GTF2F2: variants seen among roughly 807,000 people sequenced by gnomAD.
GTF2F2 encodes ATP-dependent helicase GTF2F2.
Under a neutral mutation model 42.2 loss-of-function variants are expected in GTF2F2, and 23 were observed. The ratio of observed to expected loss-of-function variants is 0.55; its 90% CI spans 0.39 to 0.77. The LOEUF (loss-of-function observed/expected upper bound fraction) is 0.77, where lower values mean the gene tolerates loss of function less well. GTF2F2 is among the 30% of genes least tolerant of loss of function. The pLI is 0.00. For synonymous variants in GTF2F2, 105 were observed against 100.8 expected (o/e 1.04, Z -0.25); for missense variants, 261 against 287.2 (o/e 0.91, Z 0.66).
intron 4 of GTF2F2, among the ~76,000 whole-genome samples, chr13:45,183,451 G>A (rs915431210): frequency 6.6e-6 from 1 of 152,086 alleles, no homozygotes; most frequent in Admixed American, 6.5e-5. Flanking sequence ...TACCTCTCAG[G>A]CATCAAAAGG....
chr13:45,122,152 G>A (rs556503033), intron 1 of GTF2F2, among the ~76,000 whole-genome samples: 1 of 151,626 alleles, frequency 6.6e-6, no homozygotes, highest in South Asian at 2.1e-4. Flanking sequence ...TGAAGATGGG[G>A]ACCATATACT....
At chr13:45,263,827 A>G (rs997126743) in intron 6 of GTF2F2, 3 of 168,560 alleles carry the variant, frequency 1.8e-5, no homozygotes, top group Admixed American at 5.8e-5. Flanking sequence ...GAAGCAAGAA[A>G]TAAGGCATAT....
intron 4 of GTF2F2, among the ~76,000 whole-genome samples, chr13:45,189,238 C>T (rs1294052407): frequency 1.3e-5 from 2 of 151,888 alleles, no homozygotes; most frequent in East Asian, 3.9e-4. Flanking sequence ...CAACTTACCC[C>T]TTTTTTTTGG....
At chr13:45,158,036 G>GT (rs1279479594) in intron 4 of GTF2F2, among the ~76,000 whole-genome samples, 1 of 151,852 alleles carries the variant, frequency 6.6e-6, no homozygotes, top group East Asian at 1.9e-4. Flanking sequence ...CTTATTTCTC[G>GT]TATTTGGTCA....
intron 5 of GTF2F2, among the ~76,000 whole-genome samples, chr13:45,227,939 T>C (rs1293160403): frequency 2.6e-5 from 4 of 152,178 alleles, no homozygotes; most frequent in Non-Finnish European, 5.9e-5. Flanking sequence ...GACTGAAGGC[T>C]AGAAAACAAG....
intron 6 of GTF2F2, among the ~76,000 whole-genome samples, chr13:45,255,166 C>CAAAAAAAAAAAA (rs55795620): frequency 1.3e-5 from 1 of 76,106 alleles, no homozygotes; most frequent in Non-Finnish European, 2.7e-5. Context: ...GACTTTGTCT[C>CAAAAAAAAAAAA]AAAAAAAAAA....
intron 4 of GTF2F2, among the ~76,000 whole-genome samples, chr13:45,205,433 G>T (rs1215797063): frequency 6.6e-6 from 1 of 152,244 alleles, no homozygotes; most frequent in Non-Finnish European, 1.5e-5. Context: ...CACAGAGCCA[G>T]ACCATATCAG....
intron 6 of GTF2F2, among the ~76,000 whole-genome samples, chr13:45,259,210 T>C (rs1876229653): frequency 6.6e-6 from 1 of 152,142 alleles, no homozygotes; most frequent in Non-Finnish European, 1.5e-5. Flanking sequence ...GTGGATTACC[T>C]GAGGTCAGAA....
chr13:45,238,680 C>T (rs1244636956), intron 5 of GTF2F2, among the ~76,000 whole-genome samples: 1 of 151,876 alleles, frequency 6.6e-6, no homozygotes, highest in Non-Finnish European at 1.5e-5. Flanking sequence ...TGCAGTGGCT[C>T]ACGCCTGTAA....
At chr13:45,173,488 C>T in intron 4 of GTF2F2, among the ~76,000 whole-genome samples, 1 of 151,878 alleles carries the variant, frequency 6.6e-6, no homozygotes. Context: ...CACAAGAATC[C>T]CTCAGGTTAC....
In GTF2F2 at chr13:45,120,790, C is replaced by T. The variant is rs185419733; in HGVS notation, c.66+69C>T. 5.9e-3 allele frequency: 6,806 copies of T among 1,158,152 alleles called. 36 individuals carry two copies. Among genetic ancestry groups the T allele is most frequent in the Non-Finnish European group, 7.6e-3 (6,035 of 791,712 alleles). 71.7% of individuals were successfully genotyped at this position (1,158,152 alleles called of 1,614,324 possible). A position where few individuals can be genotyped will look rare whatever the true frequency, so the allele number is the denominator to read the frequency against. On this transcript the variant is annotated intron_variant, in intron 1 of 7. Transcript: ENST00000340473. ...TATAGTTTAAGTAACTTGAGCCTAT[C>T]CCGCTCCGTGCGCCTCTTAAAGTTC...
At position 45,283,562 on chromosome 13, in the gene GTF2F2, GA is replaced by G. The variant is rs746865010; in HGVS notation, c.*3del. 6.2e-7 allele frequency: 1 copy of G among 1,607,402 alleles called. No individual in the cohort carries two copies. The highest frequency in any genetic ancestry group is 1.3e-5 in the African/African-American group (1 of 74,700). On this transcript the variant is annotated 3_prime_UTR_variant, in exon 8 of 8. Coordinates refer to ENST00000340473, the MANE Select transcript of GTF2F2 (RefSeq NM_004128.3). ...TCAAGGAGAAGAAAAGAGTGACTAA[GA>G]AGACTCCTAGCCAGCATGCTAGTGA...
chr13:45,210,719 T>G (rs535196152), intron 5 of GTF2F2, among the ~76,000 whole-genome samples: 1 of 152,342 alleles, frequency 6.6e-6, no homozygotes, highest in African/African-American at 2.4e-5. Flanking sequence ...AGTGAATGAA[T>G]GGCACAAGAT....
chr13:45,275,523 A>G (rs191408887), intron 7 of GTF2F2, among the ~76,000 whole-genome samples: 11 of 137,692 alleles, frequency 8.0e-5, no homozygotes, highest in Admixed American at 2.6e-4. Context: ...TCATTGTTCA[A>G]TTCCCACCTA....
At position 45,165,567 on chromosome 13, in the gene GTF2F2, G is replaced by C. The variant is rs63621761; in HGVS notation, c.304+13736G>C. 9.1e-3 allele frequency among the ~76,000 whole-genome samples: 1,066 copies of C among 117,744 alleles called. 23 individuals are homozygous for C. Among genetic ancestry groups the C allele is most frequent in the African/African-American group, 0.042 (875 of 20,694 alleles). The allele number at this position is 117,744 out of a possible 152,430, so 77.2% of individuals were successfully genotyped here. A position where few individuals can be genotyped will look rare whatever the true frequency, so the allele number is the denominator to read the frequency against. On this transcript the variant is annotated intron_variant, in intron 4 of 7. Coordinates refer to ENST00000340473, the MANE Select transcript of GTF2F2 (RefSeq NM_004128.3). The stretch of plus-strand genomic sequence containing the variant: ...ATAAACCTTTCTTTCCACTGCCCTC[G>C]CCCCCCCCCGCCGCCCGCTTTTAAC...
intron 4 of GTF2F2, chr13:45,194,148 A>G: frequency 6.2e-7 from 1 of 1,614,114 alleles, no homozygotes; most frequent in African/African-American, 1.3e-5. Flanking sequence ...CCAAGAAAGT[A>G]GTCTCTCTGG....
chr13:45,207,944 C>A (rs1435742543), intron 5 of GTF2F2, among the ~76,000 whole-genome samples: 4 of 152,016 alleles, frequency 2.6e-5, no homozygotes, highest in Non-Finnish European at 5.9e-5. Flanking sequence ...ACCATTCAAG[C>A]CCAGGAGTTT....
intron 4 of GTF2F2, chr13:45,194,149 GTC>G (rs770159016): frequency 6.2e-7 from 1 of 1,614,072 alleles, no homozygotes; most frequent in African/African-American, 1.3e-5. Flanking sequence ...CAAGAAAGTA[GTC>G]TCTCTGGGTG....
At chr13:45,160,114 T>C (rs1021907074) in intron 4 of GTF2F2, among the ~76,000 whole-genome samples, 2 of 152,224 alleles carry the variant, frequency 1.3e-5, no homozygotes, top group African/African-American at 4.8e-5. Context: ...AGGGCTCTTT[T>C]ATACATTATG....
Sources: gnomAD v4.1 joint callset for allele counts (sites outside exome capture counted in the v4.1 genomes callset) on GRCh38, gnomAD v4.1.1 for gene constraint, MANE v1.5 for transcripts, NCBI Gene and HGNC (gene_info 2026-07-23, HGNC 2026-07-21) for gene names.